EYS: variants seen among roughly 807,000 people sequenced by gnomAD.
EYS encodes the protein EGF-like photoreceptor maintenance factor, also known as protein eyes shut homolog.
In EYS, 250 loss-of-function variants were observed where a neutral mutation model predicts 282.1. The observed-to-expected ratio is 0.89, with a 90% CI of 0.80 to 0.98. EYS has a LOEUF of 0.98. Ranked by LOEUF, EYS falls within the 50% of genes least tolerant of loss-of-function variation. The pLI is 0.00. For synonymous variants in EYS, 1,355 were observed against 1,282.9 expected (o/e 1.06, Z -1.20); for missense variants, 4,016 against 3,709.0 (o/e 1.08, Z -2.15).
chr6:65,057,682 C>T lies in EYS; in HGVS notation c.2069G>A (p.Cys690Tyr). 5 of 1,550,936 alleles carry T rather than the reference C, an allele frequency of 3.2e-6. No homozygotes were observed. Among genetic ancestry groups the T allele is most frequent in the Non-Finnish European group, 4.4e-6 (5 of 1,146,566 alleles). Residue 690 changes from cysteine (C) to tyrosine (Y), a missense_variant, in exon 13 of 43, where the codon TGC becomes TAC. Cys to Tyr is a radical substitution (Grantham distance 194, BLOSUM62 -2). Coordinates refer to ENST00000503581, the MANE Select transcript of EYS (RefSeq NM_001142800.2). Reference sequence around the variant, plus strand: ...GTCAATGCAGGTGGCTCCATTTTTGCAGGGATGTGAAGCACACTCATCTAT... The same window carrying T: ...GTCAATGCAGGTGGCTCCATTTTTGTAGGGATGTGAAGCACACTCATCTAT... ...IDIDECASHP[C>Y]KNGATCIDQP...
At chr6:64,150,465 T>G (rs572981888) in intron 31 of EYS, among the ~76,000 whole-genome samples, 5 of 152,326 alleles carry the variant, frequency 3.3e-5, no homozygotes, top group Admixed American at 2.0e-4. Flanking sequence ...TCTAACATAT[T>G]CAAGTTTTTT....
intron 29 of EYS, among the ~76,000 whole-genome samples, chr6:64,340,943 G>T (rs941214651): frequency 6.6e-6 from 1 of 151,478 alleles, no homozygotes; most frequent in Non-Finnish European, 1.5e-5. Flanking sequence ...GACATAAATG[G>T]CCAACAAACA....
intron 29 of EYS, among the ~76,000 whole-genome samples, chr6:64,333,721 C>T (rs1770729125): frequency 6.6e-6 from 1 of 152,148 alleles, no homozygotes; most frequent in Admixed American, 6.5e-5. Context: ...GTTTAAGTTA[C>T]CCCAATGCAA....
intron 9 of EYS, among the ~76,000 whole-genome samples, chr6:65,346,671 T>A (rs1232628013): frequency 6.6e-6 from 1 of 151,640 alleles, no homozygotes; most frequent in Non-Finnish European, 1.5e-5. Context: ...GAAAAAGGAC[T>A]TTTTAGGGGA....
At chr6:64,611,321 T>C (rs1296041205) in intron 24 of EYS, among the ~76,000 whole-genome samples, 1 of 152,212 alleles carries the variant, frequency 6.6e-6, no homozygotes, top group Non-Finnish European at 1.5e-5. Context: ...TAGAGATACC[T>C]TTCTAATCCT....
intron 15 of EYS, among the ~76,000 whole-genome samples, chr6:64,922,743 C>T (rs568483109): frequency 3.9e-5 from 6 of 152,226 alleles, no homozygotes; most frequent in African/African-American, 1.4e-4. Context: ...TAACTCATTC[C>T]CTAGCTTCTA....
intron 12 of EYS, among the ~76,000 whole-genome samples, chr6:65,245,294 A>C (rs937894443): frequency 1.3e-5 from 2 of 152,178 alleles, no homozygotes; most frequent in Non-Finnish European, 2.9e-5. Context: ...AATGGGAGGG[A>C]TACATCAAGT....
intron 28 of EYS, among the ~76,000 whole-genome samples, chr6:64,419,611 C>T (rs1774164971): frequency 6.6e-6 from 1 of 152,202 alleles, no homozygotes; most frequent in Non-Finnish European, 1.5e-5. Flanking sequence ...CTTGCTCCAA[C>T]TGGGAGAAAT....
chr6:65,393,387 C>T (rs1237442575), intron 7 of EYS, among the ~76,000 whole-genome samples: 1 of 152,096 alleles, frequency 6.6e-6, no homozygotes, highest in African/African-American at 2.4e-5. Context: ...AGCAGCCCAG[C>T]TTTTGAGATA....
chr6:64,276,710 C>T (rs1213584082), intron 30 of EYS, among the ~76,000 whole-genome samples: 1 of 152,076 alleles, frequency 6.6e-6, no homozygotes, highest in Non-Finnish European at 1.5e-5. Context: ...TCCTGAAATA[C>T]TGAAATAAAA....
intron 24 of EYS, among the ~76,000 whole-genome samples, chr6:64,605,268 T>C (rs1017974423): frequency 2.6e-5 from 4 of 151,946 alleles, no homozygotes; most frequent in Middle Eastern, 3.2e-3. Flanking sequence ...CCAATGGCCT[T>C]CTTATACACT....
At chr6:65,228,457 A>T (rs895161394) in intron 12 of EYS, among the ~76,000 whole-genome samples, 38 of 152,056 alleles carry the variant, frequency 2.5e-4, no homozygotes, top group African/African-American at 8.9e-4. Context: ...ATTAAAGAAT[A>T]TCTAAATAAA....
intron 19 of EYS, among the ~76,000 whole-genome samples, chr6:64,882,407 A>G (rs1766953291): frequency 6.6e-6 from 1 of 151,754 alleles, no homozygotes; most frequent in Non-Finnish European, 1.5e-5. Context: ...GTGAAAGTGA[A>G]TTTTAAATCT....
At chr6:64,897,830 T>C (rs186510375) in intron 18 of EYS, among the ~76,000 whole-genome samples, 2 of 152,256 alleles carry the variant, frequency 1.3e-5, no homozygotes, top group African/African-American at 2.4e-5. Context: ...AATAGCTGAA[T>C]AGATTAAGTG....
intron 18 of EYS, among the ~76,000 whole-genome samples, chr6:64,899,523 G>T (rs1048434395): frequency 4.6e-5 from 7 of 152,040 alleles, no homozygotes; most frequent in African/African-American, 1.7e-4. Context: ...AAAATCTCAG[G>T]ATACTAAATC....
At chr6:64,965,101 C>T (rs1056823923) in intron 14 of EYS, among the ~76,000 whole-genome samples, 2 of 151,948 alleles carry the variant, frequency 1.3e-5, no homozygotes, top group Admixed American at 6.6e-5. Flanking sequence ...TAAATAAATG[C>T]TATTAAATTA....
chr6:64,720,628 T>C (rs1181094489), intron 22 of EYS, among the ~76,000 whole-genome samples: 1 of 152,162 alleles, frequency 6.6e-6, no homozygotes, highest in African/African-American at 2.4e-5. Flanking sequence ...CATGAGTAGA[T>C]AGAACCTCAT....
rs543651086 is a variant in EYS at position 65,177,095 on chromosome 6, C to A, written c.2023+118768G>T. Among the ~76,000 whole-genome samples the A allele has an allele frequency of 2.0e-5, 3 of 151,742 alleles. No individual in the cohort carries two copies. In the South Asian group the frequency reaches 6.2e-4, roughly 31 times the overall value. ...ATTAATTTGTGAGTGTTTCAATTAA[C>A]TAAGGGAATTTGTAATTTTTAACTT... On this transcript the variant is annotated intron_variant, in intron 12 of 42. Transcript: ENST00000503581.
At chr6:65,369,319 T>TATATATA (rs1239264240) in intron 8 of EYS, among the ~76,000 whole-genome samples, 4 of 47,952 alleles carry the variant, frequency 8.3e-5, no homozygotes, top group Non-Finnish European at 1.8e-4. Flanking sequence ...ATATATATTA[T>TATATATA]ATATATATAT....
Sources: allele counts gnomAD v4.1 joint callset (sites outside exome capture counted in the v4.1 genomes callset), GRCh38; gene constraint gnomAD v4.1.1; transcripts MANE v1.5; gene names NCBI Gene and HGNC (gene_info 2026-07-23, HGNC 2026-07-21).